Variants in BMPR2 observed in about 807,000 individuals in gnomAD.
BMPR2 encodes bone morphogenetic protein receptor type-2.
BMPR2 carries 29 observed loss-of-function variants against 100.8 expected under a neutral mutation model. The observed-to-expected ratio is 0.29, with a 90% CI of 0.21 to 0.39. The LOEUF (loss-of-function observed/expected upper bound fraction) is 0.39. Among genes scored for constraint, BMPR2 ranks in the 10% least tolerant of loss-of-function variants. The pLI is 1.00. For synonymous variants in BMPR2, 382 were observed against 442.3 expected (o/e 0.86, Z 1.71); for missense variants, 1,011 against 1,274.5 (o/e 0.79, Z 3.15).
intron 1 of BMPR2, among the ~76,000 whole-genome samples, chr2:202,406,346 C>G (rs1169320133): frequency 2.6e-5 from 4 of 152,222 alleles, no homozygotes; most frequent in Admixed American, 2.0e-4. Flanking sequence ...TCTTTGTACT[C>G]TATGGCAGAG....
At position 202,416,420 on chromosome 2, in the gene BMPR2, C is replaced by T. The variant is rs57875922; in HGVS notation, c.76+38870C>T. Among the ~76,000 whole-genome samples the T allele has an allele frequency of 2.6e-4, 38 of 146,930 alleles. No homozygotes were observed. The South Asian group carries it at 5.3e-3, about 20-fold the overall frequency. On this transcript the variant is annotated intron_variant, in intron 1 of 12. Coordinates refer to ENST00000374580, the MANE Select transcript of BMPR2 (RefSeq NM_001204.7). ...GAACTACAGGTGTGCACTACCACACCTGGATAATTTTTTTTTTTTTTTTTG... is the reference window on the plus strand; with the variant it reads ...GAACTACAGGTGTGCACTACCACACTTGGATAATTTTTTTTTTTTTTTTTG...
At chr2:202,386,121 A>C (rs1383377905) in intron 1 of BMPR2, among the ~76,000 whole-genome samples, 1 of 152,136 alleles carries the variant, frequency 6.6e-6, no homozygotes, top group African/African-American at 2.4e-5. Context: ...TTCAGGATTC[A>C]GTCTTTAGAC....
chr2:202,426,568 C>CAA (rs35528511), intron 1 of BMPR2, among the ~76,000 whole-genome samples: 12,189 of 57,690 alleles, frequency 0.21, 1,180 homozygotes, highest in Non-Finnish European at 0.27. Flanking sequence ...GTCTCCGTCT[C>CAA]AAAAAAAAAA....
chr2:202,492,561 G>A (rs181641241), intron 3 of BMPR2, among the ~76,000 whole-genome samples: 44 of 151,740 alleles, frequency 2.9e-4, no homozygotes, highest in Non-Finnish European at 5.3e-4. Context: ...TTAGCCAGGT[G>A]TGGTGGCAGG....
At position 202,405,746 on chromosome 2, in the gene BMPR2, T is replaced by C. The variant is rs187604740; in HGVS notation, c.76+28196T>C. 2.9e-3 allele frequency among the ~76,000 whole-genome samples: 418 copies of C among 144,374 alleles called. 2 individuals are homozygous for C. Among genetic ancestry groups the C allele is most frequent in the African/African-American group, 0.01 (405 of 38,790 alleles). The allele number at this position is 144,374 out of a possible 152,430, so 94.7% of individuals were successfully genotyped here. A position where few individuals can be genotyped will look rare whatever the true frequency, so the allele number is the denominator to read the frequency against. ...ATGTGCTGCTAAAGGTACTAAAATA[T>C]ATACCTTTTTTCTTTCTTTGTAGTG... On this transcript the variant is annotated intron_variant, in intron 1 of 12. Transcript: ENST00000374580.
At position 202,560,237 on chromosome 2, in the gene BMPR2, TA is replaced by T; in HGVS notation, c.*292del. 1 of 357,258 alleles carries T rather than the reference TA, an allele frequency of 2.8e-6. No individual in the cohort carries two copies. The highest frequency in any genetic ancestry group is 5.9e-5 in the East Asian group (1 of 17,002). 22.1% of individuals were successfully genotyped at this position (357,258 alleles called of 1,614,324 possible). On this transcript the variant is annotated 3_prime_UTR_variant, in exon 13 of 13. Transcript: ENST00000374580. ...GTGTGTATCAAAAGTGGTCTCAAAA[TA>T]TTTTTTTAAGAAAAAAAGCAAAAAC...
chr2:202,385,548 T>A lies in BMPR2; in HGVS notation c.76+7998T>A, dbSNP rs111424659. On this transcript the variant is annotated intron_variant, in intron 1 of 12. Transcript: ENST00000374580. ...GTCCGGCTAGTTTTTGTATTTTTAG[T>A]AGACACGGAGTTTCACTGTGTTGGC... 3.9e-3 allele frequency among the ~76,000 whole-genome samples: 588 copies of A among 150,934 alleles called. 4 individuals are homozygous for A. Among genetic ancestry groups the A allele is most frequent in the African/African-American group, 0.012 (493 of 41,178 alleles).
chr2:202,441,767 C>G (rs1691752035), intron 1 of BMPR2, among the ~76,000 whole-genome samples: 1 of 145,414 alleles, frequency 6.9e-6, no homozygotes, highest in Non-Finnish European at 1.5e-5. Context: ...GGCGTGGTGG[C>G]TCACGCCTGT....
intron 3 of BMPR2, among the ~76,000 whole-genome samples, chr2:202,498,233 G>A (rs1328248058): frequency 3.9e-5 from 6 of 152,082 alleles, no homozygotes; most frequent in Non-Finnish European, 8.8e-5. Flanking sequence ...TTTCTCAGTC[G>A]GTCCTCCTTG....
At chr2:202,428,408 T>C (rs571091414) in intron 1 of BMPR2, among the ~76,000 whole-genome samples, 6 of 150,172 alleles carry the variant, frequency 4.0e-5, no homozygotes, top group South Asian at 4.2e-4. Context: ...CTCTCTCTCT[T>C]TTTTTTTTAA....
chr2:202,545,823 G>A (rs191283304), intron 10 of BMPR2, among the ~76,000 whole-genome samples: 60 of 152,270 alleles, frequency 3.9e-4, no homozygotes, highest in African/African-American at 1.3e-3. Flanking sequence ...CCTGCTATGG[G>A]AACTGGGACA....
chr2:202,462,690 G>A (rs1043565155), intron 1 of BMPR2, among the ~76,000 whole-genome samples: 2 of 149,930 alleles, frequency 1.3e-5, no homozygotes, highest in Admixed American at 6.7e-5. Flanking sequence ...GGCCCTTATG[G>A]TTTTGTTTTT....
At chr2:202,453,119 A>G (rs1429667619) in intron 1 of BMPR2, among the ~76,000 whole-genome samples, 1 of 152,114 alleles carries the variant, frequency 6.6e-6, no homozygotes, top group Non-Finnish European at 1.5e-5. Flanking sequence ...TTTCCTGAAG[A>G]TGGTAGGAAA....
chr2:202,521,573 A>G (rs1687819646), intron 7 of BMPR2, among the ~76,000 whole-genome samples: 1 of 152,058 alleles, frequency 6.6e-6, no homozygotes, highest in African/African-American at 2.4e-5. Context: ...AGAAAAAAAA[A>G]AAAAGCAAAT....
At position 202,377,349 on chromosome 2, in the gene BMPR2, C is replaced by T. The variant is rs1181973283; in HGVS notation, c.-126C>T. On this transcript the variant is annotated 5_prime_UTR_variant, in exon 1 of 13. An upstream open reading frame in the 5' UTR gains an earlier in-frame stop. Transcript: ENST00000374580. The stretch of plus-strand genomic sequence containing the variant: ...TCCTCTCATCAGCCATTTGTCCTTT[C>T]AAACTGTATTGTGATACGGGCAGGA... The T allele has an allele frequency of 1.1e-5, 10 of 927,494 alleles. No homozygotes were observed. The highest frequency in any genetic ancestry group is 1.6e-5 in the Non-Finnish European group (9 of 556,554). The allele number at this position is 927,494 out of a possible 1,614,324, so 57.5% of individuals were successfully genotyped here.
At chr2:202,401,855 A>G (rs1237246258) in intron 1 of BMPR2, among the ~76,000 whole-genome samples, 2 of 152,178 alleles carry the variant, frequency 1.3e-5, no homozygotes, top group Non-Finnish European at 2.9e-5. Flanking sequence ...TCAAGACTAC[A>G]TTTTCCTTTT....
chr2:202,542,613 A>G (rs961849117), intron 10 of BMPR2, among the ~76,000 whole-genome samples, 166 bp downstream of exon 10: 2 of 152,322 alleles, frequency 1.3e-5, no homozygotes, highest in African/African-American at 4.8e-5. Flanking sequence ...AATATGAAAA[A>G]AAGTCAGTTT....
chr2:202,536,823 T>C (rs942050834), intron 9 of BMPR2, among the ~76,000 whole-genome samples: 1 of 148,144 alleles, frequency 6.8e-6, no homozygotes, highest in African/African-American at 2.5e-5. Flanking sequence ...AAGGCTGAGA[T>C]TGCACCATTG....
intron 9 of BMPR2, among the ~76,000 whole-genome samples, chr2:202,538,827 A>G (rs1688214736): frequency 6.6e-6 from 1 of 151,080 alleles, no homozygotes; most frequent in African/African-American, 2.4e-5. Flanking sequence ...TGAGGGTCAG[A>G]GTGGCAACCA....
Sources: allele counts gnomAD v4.1 joint callset (sites outside exome capture counted in the v4.1 genomes callset), GRCh38; gene constraint gnomAD v4.1.1; transcripts MANE v1.5; gene names NCBI Gene and HGNC (gene_info 2026-07-23, HGNC 2026-07-21).